SEPTIN9: variants seen among roughly 807,000 people sequenced by gnomAD.
SEPTIN9 encodes septin-9.
SEPTIN9 carries 13 observed loss-of-function variants against 56.6 expected under a neutral mutation model. The ratio of observed to expected loss-of-function variants is 0.23; its 90% CI spans 0.15 to 0.37. The LOEUF (loss-of-function observed/expected upper bound fraction) is 0.37, where lower values mean the gene tolerates loss of function less well. SEPTIN9 is among the 10% of genes least tolerant of loss of function. The pLI is 1.00. For missense variants in SEPTIN9, 650 were observed against 823.1 expected (o/e 0.79, Z 2.57); for synonymous variants, 332 against 334.1 (o/e 0.99, Z 0.07).
At chr17:77,325,137 A>G (rs1171542693) in intron 2 of SEPTIN9, among the ~76,000 whole-genome samples, 4 of 152,160 alleles carry the variant, frequency 2.6e-5, no homozygotes, top group African/African-American at 9.7e-5. Context: ...AAATATTTTA[A>G]ACTTCTATGA....
chr17:77,301,962 G>C lies in SEPTIN9; in HGVS notation c.20-5179G>C, dbSNP rs763683928. ...AGGGGTTCAGAAGTCTGGTCTATTC[G>C]AGCCCACAGAGGGGTTTGGAGTGGC... is the stretch of plus-strand genomic sequence containing the variant. On this transcript the variant is annotated intron_variant, in intron 1 of 11. Transcript: ENST00000427177. Among the ~76,000 whole-genome samples, 3 of 152,258 alleles carry C rather than the reference G, an allele frequency of 2.0e-5. No homozygotes were observed. In the East Asian group the frequency reaches 5.8e-4, roughly 29 times the overall value.
In SEPTIN9 at chr17:77,436,479, G is replaced by A. The variant is rs992745398; in HGVS notation, c.721+33776G>A. Among the ~76,000 whole-genome samples the A allele has an allele frequency of 6.6e-6, 1 of 152,192 alleles. No homozygotes were observed. The highest frequency in any genetic ancestry group is 2.4e-5 in the African/African-American group (1 of 41,446). ...TCTCCCCGCAGATGGGACGGGGGCG[G>A]GGCTGGAGCCAGCGGGGTGGGGGTA... On this transcript the variant is annotated intron_variant, in intron 3 of 11. Transcript: ENST00000427177. This position sits in a 1 kb window ranked among gnomAD's most constrained non-coding sequence, Gnocchi z 4.4.
intron 1 of SEPTIN9, among the ~76,000 whole-genome samples, chr17:77,300,636 T>C (rs2031995732): frequency 6.6e-6 from 1 of 152,072 alleles, no homozygotes; most frequent in South Asian, 2.1e-4. Context: ...ACAGCTCCTG[T>C]GAGCAAACTG....
Position 77,449,955 on chromosome 17 carries a change from GT to G in SEPTIN9, c.722-32186del, listed in dbSNP as rs2037901828. Among the ~76,000 whole-genome samples the G allele has an allele frequency of 6.6e-6, 1 of 152,144 alleles. No individual in the cohort carries two copies. Among genetic ancestry groups the G allele is most frequent in the Non-Finnish European group, 1.5e-5 (1 of 68,026 alleles). On this transcript the variant is annotated intron_variant, in intron 3 of 11. Coordinates refer to ENST00000427177, the MANE Select transcript of SEPTIN9 (RefSeq NM_001113491.2). This position sits in a 1 kb window ranked among gnomAD's most constrained non-coding sequence, Gnocchi z 4.6. ...CAGGCCCAGGGCCTTGGATTTCAGT[GT>G]TTGACTCAGAACCCAGGTCTCTGAT... is the stretch of plus-strand genomic sequence containing the variant.
At chr17:77,305,255 G>A (rs773053945) in intron 1 of SEPTIN9, among the ~76,000 whole-genome samples, 5 of 152,186 alleles carry the variant, frequency 3.3e-5, no homozygotes, top group Non-Finnish European at 7.3e-5. Context: ...TGGGGGTGCT[G>A]GAGGTGAATT....
At chr17:77,383,082 A>C (rs1198156916) in intron 2 of SEPTIN9, among the ~76,000 whole-genome samples, 1 of 152,032 alleles carries the variant, frequency 6.6e-6, no homozygotes, top group Non-Finnish European at 1.5e-5. Flanking sequence ...ATGATGAAGC[A>C]GGCTCCTGCA....
intron 2 of SEPTIN9, among the ~76,000 whole-genome samples, chr17:77,361,874 C>T (rs983432059): frequency 2.0e-5 from 3 of 152,290 alleles, no homozygotes; most frequent in South Asian, 4.1e-4. Context: ...CCTCGTGATC[C>T]GCCCGCCTCG....
At position 77,487,659 on chromosome 17, in the gene SEPTIN9, G is replaced by A. The variant is rs2039854158; in HGVS notation, c.1042+107G>A. ...CACAGTCAGTGGCCAGGGGCGGGCT[G>A]GGGGTGCAGGACTCCTCTGCCTTCC... On this transcript the variant is annotated intron_variant, in intron 5 of 11. Transcript: ENST00000427177. The surrounding 1 kb of genome is among the most constrained non-coding windows in gnomAD (Gnocchi z 4.3). 1 of 852,360 alleles carries A rather than the reference G, an allele frequency of 1.2e-6. No homozygotes were observed. Among genetic ancestry groups the A allele is most frequent in the Non-Finnish European group, 1.6e-6 (1 of 609,978 alleles). The allele number at this position is 852,360 out of a possible 1,614,324, so 52.8% of individuals were successfully genotyped here. A position where few individuals can be genotyped will look rare whatever the true frequency, so the allele number is the denominator to read the frequency against.
intron 2 of SEPTIN9, chr17:77,376,444 T>A: frequency 1.2e-5 from 12 of 972,618 alleles, no homozygotes; most frequent in Non-Finnish European, 1.5e-5. Flanking sequence ...CTTACAGCGC[T>A]GGGATGGTGG....
At chr17:77,366,669 G>T (rs1040530748) in intron 2 of SEPTIN9, among the ~76,000 whole-genome samples, 1 of 152,164 alleles carries the variant, frequency 6.6e-6, no homozygotes, top group Admixed American at 6.5e-5. Flanking sequence ...GTTCCATCAG[G>T]TTGGATGTTA....
At position 77,450,416 on chromosome 17, in the gene SEPTIN9, G is replaced by T. The variant is rs2037919837; in HGVS notation, c.722-31728G>T. Reference sequence around the variant, plus strand: ...TGGCCCTCAGAAGGTGTCACCAAAGGCTTCTTTCCATTTGAGTGAATCCCT... The same window carrying T: ...TGGCCCTCAGAAGGTGTCACCAAAGTCTTCTTTCCATTTGAGTGAATCCCT... On this transcript the variant is annotated intron_variant, in intron 3 of 11. Coordinates refer to ENST00000427177, the MANE Select transcript of SEPTIN9 (RefSeq NM_001113491.2). This position sits in a 1 kb window ranked among gnomAD's most constrained non-coding sequence, Gnocchi z 6.0. 1 of 933,758 alleles carries T rather than the reference G, an allele frequency of 1.1e-6. No individual in the cohort carries two copies. The highest frequency in any genetic ancestry group is 6.2e-5 in the Admixed American group (1 of 16,210). The allele number at this position is 933,758 out of a possible 1,614,324, so 57.8% of individuals were successfully genotyped here.
At chr17:77,376,170 C>T in intron 2 of SEPTIN9, 6 of 987,150 alleles carry the variant, frequency 6.1e-6, no homozygotes, top group Non-Finnish European at 7.2e-6. Context: ...CAGCCAGCAG[C>T]AGTGGGGGAG....
chr17:77,390,908 C>T (rs1435915971), intron 2 of SEPTIN9, among the ~76,000 whole-genome samples: 1 of 152,168 alleles, frequency 6.6e-6, no homozygotes, highest in Non-Finnish European at 1.5e-5. Context: ...TGAATGACTA[C>T]GGTGGGACAA....
chr17:77,365,355 G>A (rs575637811), intron 2 of SEPTIN9, among the ~76,000 whole-genome samples: 6 of 150,632 alleles, frequency 4.0e-5, no homozygotes, highest in Middle Eastern at 3.4e-3. Flanking sequence ...CTTCCCTTCC[G>A]TTCCCTTCCT....
intron 3 of SEPTIN9, among the ~76,000 whole-genome samples, chr17:77,458,078 G>A (rs1407741650): frequency 6.6e-6 from 1 of 151,904 alleles, no homozygotes; most frequent in Admixed American, 6.6e-5. Context: ...AGTCCCCAGC[G>A]AGCCCTTCTG....
intron 3 of SEPTIN9, among the ~76,000 whole-genome samples, chr17:77,447,409 C>T (rs1474990537): frequency 1.3e-5 from 2 of 152,214 alleles, no homozygotes; most frequent in Non-Finnish European, 2.9e-5. Flanking sequence ...AAGCTTCAGA[C>T]TCACTCCTGG....
chr17:77,307,741 G>A (rs1366273747), intron 2 of SEPTIN9, among the ~76,000 whole-genome samples: 1 of 152,230 alleles, frequency 6.6e-6, no homozygotes, highest in Non-Finnish European at 1.5e-5. Flanking sequence ...AACCAGTAGG[G>A]AAGGGAAACA....
In SEPTIN9 at chr17:77,429,108, G is replaced by A. The variant is rs190645819; in HGVS notation, c.721+26405G>A. The A allele has an allele frequency of 8.7e-4, 408 of 471,576 alleles. No homozygotes were observed. The highest frequency in any genetic ancestry group is 1.5e-3 in the Non-Finnish European group (352 of 227,158). 29.2% of individuals were successfully genotyped at this position (471,576 alleles called of 1,614,324 possible). A position where few individuals can be genotyped will look rare whatever the true frequency, so the allele number is the denominator to read the frequency against. On this transcript the variant is annotated intron_variant, in intron 3 of 11. Coordinates refer to ENST00000427177, the MANE Select transcript of SEPTIN9 (RefSeq NM_001113491.2). The surrounding 1 kb of genome is among the most constrained non-coding windows in gnomAD (Gnocchi z 5.2). Reference sequence around the variant, plus strand: ...TTTGTGCCCCAGCTCCGTGTCCTCCGGTGTGTGTGAGGCCAAGCTCCTGGG... The same window carrying A: ...TTTGTGCCCCAGCTCCGTGTCCTCCAGTGTGTGTGAGGCCAAGCTCCTGGG...
Position 77,329,022 on chromosome 17 carries a change from A to G in SEPTIN9, c.76+21825A>G, listed in dbSNP as rs1164245505. ...AGCAGGTGTGAAGGCCCGAGGCTGGAGCCTGGGGAAGGTGGGAGTGGCTGG... is the reference window on the plus strand; with the variant it reads ...AGCAGGTGTGAAGGCCCGAGGCTGGGGCCTGGGGAAGGTGGGAGTGGCTGG... On this transcript the variant is annotated intron_variant, in intron 2 of 11. Transcript: ENST00000427177. This position sits in a 1 kb window ranked among gnomAD's most constrained non-coding sequence, Gnocchi z 4.3. Among the ~76,000 whole-genome samples, 1 of 152,166 alleles carries G rather than the reference A, an allele frequency of 6.6e-6. No individual in the cohort carries two copies. Among genetic ancestry groups the G allele is most frequent in the African/African-American group, 2.4e-5 (1 of 41,430 alleles).
Sources: gnomAD v4.1 joint callset for allele counts (sites outside exome capture counted in the v4.1 genomes callset) on GRCh38, gnomAD v4.1.1 for gene constraint, Gnocchi (gnomAD v3.1) non-coding constraint, MANE v1.5 for transcripts, NCBI Gene and HGNC (gene_info 2026-07-23, HGNC 2026-07-21) for gene names.